LYG1: variants seen among roughly 807,000 people sequenced by gnomAD.
LYG1 encodes the protein lysozyme g1.
A neutral mutation model predicts 21.7 loss-of-function variants in LYG1; 17 were observed. The ratio of observed to expected loss-of-function variants is 0.78; its 90% CI spans 0.54 to 1.18. The LOEUF is 1.18. LYG1 is among the 50% of genes most tolerant of loss of function. The pLI, the probability that LYG1 is intolerant of heterozygous loss-of-function variation, is 0.00. For missense variants in LYG1, 211 were observed against 238.1 expected (o/e 0.89, Z 0.75); for synonymous variants, 81 against 87.4 (o/e 0.93, Z 0.41).
At chr2:99,294,160 C>T (rs942827965) in intron 3 of LYG1, among the ~76,000 whole-genome samples, 8 of 152,102 alleles carry the variant, frequency 5.3e-5, no homozygotes, top group Admixed American at 3.3e-4. Flanking sequence ...GCAATTTGCC[C>T]GCCTCGACCT....
At chr2:99,285,490 C>T (rs779435722) in intron 5 of LYG1, among the ~76,000 whole-genome samples, 21 of 152,048 alleles carry the variant, frequency 1.4e-4, no homozygotes, top group Non-Finnish European at 2.9e-4. Flanking sequence ...CTGACCTATG[C>T]TCATTGTAAG....
intron 3 of LYG1, among the ~76,000 whole-genome samples, chr2:99,294,599 G>A (rs1287987372): frequency 6.6e-6 from 1 of 152,024 alleles, no homozygotes; most frequent in African/African-American, 2.4e-5. Context: ...TCACTCCTTG[G>A]TTCCTGCCTT....
chr2:99,300,431 G>A (rs2094150763), intron 1 of LYG1, among the ~76,000 whole-genome samples: 2 of 152,174 alleles, frequency 1.3e-5, no homozygotes, highest in Non-Finnish European at 2.9e-5. Flanking sequence ...CCCCGTGAAC[G>A]TTTCCTTCTG....
At position 99,284,413 on chromosome 2, in the gene LYG1, G is replaced by A. The variant is rs1408909037; in HGVS notation, c.565C>T (p.Leu189Phe). The A allele has an allele frequency of 6.2e-7, 1 of 1,614,032 alleles. No homozygotes were observed. Among genetic ancestry groups the A allele is most frequent in the African/African-American group, 1.3e-5 (1 of 74,904 alleles). ...AGATGTTAGAAGCCATGTCTCTTGA[G>A]GTACTTGGCTCGTGCAAGGACATCA... The part of the protein sequence containing the change: ...CNDVLARAKY[L>F]KRHGF Residue 189 changes from leucine to phenylalanine, a missense_variant, in exon 7 of 7, where the codon CTC (leucine) becomes TTC (phenylalanine). Coordinates refer to ENST00000308528, the MANE Select transcript of LYG1 (RefSeq NM_174898.3).
At chr2:99,291,524 C>G (rs1293291777) in intron 4 of LYG1, 103 bp from the exon 5 acceptor site, 8 of 1,274,680 alleles carry the variant, frequency 6.3e-6, no homozygotes, top group Non-Finnish European at 8.7e-6. Context: ...GAGTAATGGT[C>G]GAGGACTGAC....
At chr2:99,284,971 G>A in intron 5 of LYG1, 151 bp from the exon 6 acceptor site, 4 of 1,094,236 alleles carry the variant, frequency 3.7e-6, no homozygotes, top group Non-Finnish European at 5.1e-6. Context: ...CTGTGAGGTA[G>A]GTTAGATAGG....
At chr2:99,299,959 T>A (rs2094149571) in intron 1 of LYG1, among the ~76,000 whole-genome samples, 1 of 151,826 alleles carries the variant, frequency 6.6e-6, no homozygotes, top group African/African-American at 2.4e-5. Flanking sequence ...CACATGCACG[T>A]ACAGCAACAC....
chr2:99,286,303 T>C (rs961215989), intron 5 of LYG1, among the ~76,000 whole-genome samples: 1 of 152,190 alleles, frequency 6.6e-6, no homozygotes, highest in African/African-American at 2.4e-5. Flanking sequence ...CAACTAGGGT[T>C]GGTGAGGATG....
chr2:99,285,089 C>G (rs1035902505), intron 5 of LYG1, among the ~76,000 whole-genome samples: 6 of 152,162 alleles, frequency 3.9e-5, no homozygotes, highest in African/African-American at 1.2e-4. Context: ...GTGCCAGACA[C>G]GGTGGCTTAT....
At chr2:99,304,483 T>C (rs147064412), upstream of LYG1, among the ~76,000 whole-genome samples, 75 of 152,238 alleles carry the variant, frequency 4.9e-4, no homozygotes, top group African/African-American at 1.4e-3. Context: ...TGAAAGTGGC[T>C]AAGAGAAAAA....
intron 3 of LYG1, 37 bp from the exon 4 acceptor site, chr2:99,292,677 C>T: frequency 7.6e-7 from 1 of 1,319,114 alleles, no homozygotes; most frequent in Non-Finnish European, 1.1e-6. Context: ...AGGCATGGAA[C>T]TAGTTCTCAT....
At chr2:99,302,581 T>C (rs1014247873), upstream of LYG1, among the ~76,000 whole-genome samples, 3 of 152,210 alleles carry the variant, frequency 2.0e-5, no homozygotes, top group Non-Finnish European at 4.4e-5. Context: ...AAACAAAGGC[T>C]TTTTTCTCCT....
At chr2:99,292,934 C>G (rs2105296172) in intron 3 of LYG1, among the ~76,000 whole-genome samples, 1 of 146,600 alleles carries the variant, frequency 6.8e-6, no homozygotes, top group South Asian at 2.2e-4. Context: ...CAGGTGGTAT[C>G]TTGGAACACA....
At chr2:99,300,573 A>G (rs2094151232) in intron 1 of LYG1, among the ~76,000 whole-genome samples, 1 of 152,192 alleles carries the variant, frequency 6.6e-6, no homozygotes, top group African/African-American at 2.4e-5. Flanking sequence ...TGCAGAGAAA[A>G]TAAGATTGTT....
At chr2:99,301,481 GAAGA>G (rs200709938), upstream of LYG1, among the ~76,000 whole-genome samples, 47,960 of 114,962 alleles carry the variant, frequency 0.42, 9,828 homozygotes, top group East Asian at 0.69. Context: ...GGAAGGGAAG[GAAGA>G]AAGAAAAGGA....
At chr2:99,302,105 A>G (rs1472477491), upstream of LYG1, among the ~76,000 whole-genome samples, 3 of 152,104 alleles carry the variant, frequency 2.0e-5, no homozygotes, top group African/African-American at 7.2e-5. Context: ...TTTCCTTTTT[A>G]TCTAAACCCT....
At chr2:99,289,348 T>C (rs1315566670) in intron 5 of LYG1, among the ~76,000 whole-genome samples, 1 of 151,604 alleles carries the variant, frequency 6.6e-6, no homozygotes, top group Non-Finnish European at 1.5e-5. Flanking sequence ...TAGTCCCAGC[T>C]ACTTGGGAGG....
At chr2:99,299,218 C>T (rs1177346470) in intron 1 of LYG1, among the ~76,000 whole-genome samples, 4 of 151,662 alleles carry the variant, frequency 2.6e-5, no homozygotes, top group Non-Finnish European at 4.4e-5. Context: ...TGAGCCACCG[C>T]GCCCAGCCCC....
At chr2:99,285,753 G>A (rs141999361) in intron 5 of LYG1, among the ~76,000 whole-genome samples, 1 of 152,200 alleles carries the variant, frequency 6.6e-6, no homozygotes, top group African/African-American at 2.4e-5. Context: ...AAACTTCTTC[G>A]CCTACTTTTA....
Sources: allele counts gnomAD v4.1 joint callset (sites outside exome capture counted in the v4.1 genomes callset), GRCh38; gene constraint gnomAD v4.1.1; transcripts MANE v1.5; gene names NCBI Gene and HGNC (gene_info 2026-07-23, HGNC 2026-07-21).